EDIL3: variants seen among roughly 807,000 people sequenced by gnomAD.
EDIL3 encodes EGF like and discoidin domains 3, also known as EGF-like repeat and discoidin I-like domain-containing protein 3.
Under a neutral mutation model 67.4 loss-of-function variants are expected in EDIL3, and 37 were observed. That is an observed-to-expected ratio of 0.55 (90% CI 0.42 to 0.72). The LOEUF (loss-of-function observed/expected upper bound fraction) is 0.72, where lower values mean the gene tolerates loss of function less well. Among genes scored for constraint, EDIL3 ranks in the 30% least tolerant of loss-of-function variants. The pLI, the probability that EDIL3 is intolerant of heterozygous loss-of-function variation, is 0.00. For synonymous variants in EDIL3, 195 were observed against 196.3 expected (o/e 0.99, Z 0.05); for missense variants, 527 against 586.3 (o/e 0.90, Z 1.04).
At chr5:83,998,974 G>C (rs543673845) in intron 9 of EDIL3, among the ~76,000 whole-genome samples, 3 of 152,148 alleles carry the variant, frequency 2.0e-5, no homozygotes, top group African/African-American at 4.8e-5. Flanking sequence ...TAAGGGAAGA[G>C]AATAAGAGAT....
At chr5:84,007,707 G>C (rs1389615280) in intron 9 of EDIL3, among the ~76,000 whole-genome samples, 2 of 152,082 alleles carry the variant, frequency 1.3e-5, no homozygotes, top group East Asian at 3.9e-4. Context: ...CCACTTTGGA[G>C]AACAGTATGG....
At chr5:84,049,435 T>A (rs1475605859) in intron 9 of EDIL3, among the ~76,000 whole-genome samples, 1 of 152,222 alleles carries the variant, frequency 6.6e-6, no homozygotes, top group Non-Finnish European at 1.5e-5. Context: ...TTTGTTTTAT[T>A]TAATCCACTT....
chr5:84,168,359 T>C (rs1315994787), intron 4 of EDIL3, among the ~76,000 whole-genome samples: 3 of 152,170 alleles, frequency 2.0e-5, no homozygotes, highest in East Asian at 1.9e-4. Flanking sequence ...TTTATGGGTC[T>C]TTTAAAAATA....
intron 9 of EDIL3, among the ~76,000 whole-genome samples, chr5:83,978,232 A>T (rs956059675): frequency 6.6e-6 from 1 of 151,892 alleles, no homozygotes; most frequent in Non-Finnish European, 1.5e-5. Flanking sequence ...AGAAAATGTA[A>T]ATTTTAGAAA....
At chr5:84,347,109 C>A (rs1336047069) in intron 1 of EDIL3, among the ~76,000 whole-genome samples, 2 of 152,182 alleles carry the variant, frequency 1.3e-5, no homozygotes, top group South Asian at 2.1e-4. Context: ...GCCTTGACTT[C>A]TTCATCTATA....
chr5:84,294,035 A>G (rs1001074169), intron 1 of EDIL3, among the ~76,000 whole-genome samples: 1 of 151,992 alleles, frequency 6.6e-6, no homozygotes, highest in South Asian at 2.1e-4. Context: ...AAACTTACAT[A>G]CTGTAAAATT....
At chr5:84,114,773 A>G (rs113041622) in intron 5 of EDIL3, among the ~76,000 whole-genome samples, 1 of 152,200 alleles carries the variant, frequency 6.6e-6, no homozygotes, top group African/African-American at 2.4e-5. Context: ...TTTTCTCACA[A>G]TTGTGAATAC....
intron 1 of EDIL3, among the ~76,000 whole-genome samples, chr5:84,288,704 C>A (rs1484917887): frequency 6.6e-6 from 1 of 152,128 alleles, no homozygotes; most frequent in Non-Finnish European, 1.5e-5. Context: ...ATTATCTTCT[C>A]AGAAAGCTTT....
intron 10 of EDIL3, among the ~76,000 whole-genome samples, chr5:83,959,898 GACT>G (rs1368281168): frequency 2.0e-5 from 3 of 150,678 alleles, no homozygotes; most frequent in Non-Finnish European, 4.5e-5. Context: ...CATATAAAAT[GACT>G]ACATTTTCAA....
At chr5:83,980,441 C>T (rs1272618937) in intron 9 of EDIL3, among the ~76,000 whole-genome samples, 1 of 151,454 alleles carries the variant, frequency 6.6e-6, no homozygotes, top group Non-Finnish European at 1.5e-5. Context: ...CCCTGTAATC[C>T]CAGTACTTTG....
At chr5:84,300,274 C>G (rs953480425) in intron 1 of EDIL3, among the ~76,000 whole-genome samples, 1 of 152,160 alleles carries the variant, frequency 6.6e-6, no homozygotes, top group Non-Finnish European at 1.5e-5. Context: ...CACATCCCCT[C>G]TCCTCTGAAT....
At chr5:84,035,657 A>G (rs1746008955) in intron 9 of EDIL3, among the ~76,000 whole-genome samples, 1 of 152,188 alleles carries the variant, frequency 6.6e-6, no homozygotes, top group African/African-American at 2.4e-5. Flanking sequence ...TCAGTTTCTC[A>G]AACATATTAT....
intron 1 of EDIL3, among the ~76,000 whole-genome samples, chr5:84,269,893 T>C (rs1022784503): frequency 1.3e-5 from 2 of 152,212 alleles, no homozygotes; most frequent in Admixed American, 1.3e-4. Flanking sequence ...GATAACTCTT[T>C]ATACAGCAAA....
intron 9 of EDIL3, among the ~76,000 whole-genome samples, chr5:84,046,906 A>G (rs1427115123): frequency 6.6e-6 from 1 of 152,190 alleles, no homozygotes; most frequent in Non-Finnish European, 1.5e-5. Flanking sequence ...ACTTCTAAGC[A>G]GAAGCATTCA....
intron 3 of EDIL3, among the ~76,000 whole-genome samples, chr5:84,212,464 T>C (rs899090518): frequency 1.3e-5 from 2 of 152,194 alleles, no homozygotes; most frequent in Non-Finnish European, 2.9e-5. Context: ...AGAAACATGA[T>C]TTACTTGGAA....
intron 2 of EDIL3, among the ~76,000 whole-genome samples, chr5:84,244,975 C>A (rs969078413): frequency 8.5e-5 from 13 of 152,206 alleles, no homozygotes; most frequent in African/African-American, 3.1e-4. Context: ...CCTTCTGTGG[C>A]AAAATTGTCT....
At chr5:84,116,343 G>C (rs1049374577) in intron 5 of EDIL3, among the ~76,000 whole-genome samples, 5 of 152,092 alleles carry the variant, frequency 3.3e-5, no homozygotes, top group African/African-American at 1.2e-4. Context: ...AAGTATAGTA[G>C]ATGATTTGTT....
At chr5:84,188,520 C>T (rs1211690317) in intron 3 of EDIL3, among the ~76,000 whole-genome samples, 1 of 151,940 alleles carries the variant, frequency 6.6e-6, no homozygotes, top group Non-Finnish European at 1.5e-5. Flanking sequence ...AGATCCTTAA[C>T]AATCTTTATG....
chr5:84,327,287 C>T (rs1746782670), intron 1 of EDIL3, among the ~76,000 whole-genome samples: 1 of 151,868 alleles, frequency 6.6e-6, no homozygotes, highest in African/African-American at 2.4e-5. Context: ...ATTGTTCCTA[C>T]TGTTCATTTT....
Sources: allele counts gnomAD v4.1 joint callset (sites outside exome capture counted in the v4.1 genomes callset), GRCh38; gene constraint gnomAD v4.1.1; transcripts MANE v1.5; gene names NCBI Gene and HGNC (gene_info 2026-07-23, HGNC 2026-07-21).